Variants in KIAA1328 observed in about 807,000 individuals in gnomAD.
KIAA1328 encodes the protein KIAA1328.
In KIAA1328, 52 loss-of-function variants were observed where a neutral mutation model predicts 68.1. The ratio of observed to expected loss-of-function variants is 0.76; its 90% CI spans 0.61 to 0.96. KIAA1328 has a LOEUF of 0.96. Ranked by LOEUF, KIAA1328 falls within the 40% of genes least tolerant of loss-of-function variation. KIAA1328 has a pLI of 0.00. For synonymous variants in KIAA1328, 232 were observed against 239.4 expected, an observed-to-expected ratio of 0.97 and a Z score of 0.28; for missense variants, 641 against 677.6, an observed-to-expected ratio of 0.95 and a Z score of 0.60.
chr18:36,872,311 G>C (rs570898024), intron 4 of KIAA1328, among the ~76,000 whole-genome samples: 1 of 152,094 alleles, frequency 6.6e-6, no homozygotes, highest in East Asian at 1.9e-4. Flanking sequence ...GGCCTGATTA[G>C]AATAACAGAA....
intron 7 of KIAA1328, among the ~76,000 whole-genome samples, chr18:37,141,191 A>G (rs1160091792): frequency 2.0e-5 from 3 of 152,148 alleles, no homozygotes; most frequent in Non-Finnish European, 4.4e-5. Context: ...CCAAACCCCA[A>G]TTACAACAGA....
intron 6 of KIAA1328, among the ~76,000 whole-genome samples, chr18:36,989,460 G>A (rs1441309134): frequency 6.6e-6 from 1 of 152,132 alleles, no homozygotes; most frequent in Non-Finnish European, 1.5e-5. Flanking sequence ...AGAGAACAGA[G>A]GTGAATGCAG....
chr18:36,974,878 T>C (rs1480740158), intron 6 of KIAA1328, among the ~76,000 whole-genome samples: 1 of 152,218 alleles, frequency 6.6e-6, no homozygotes, highest in Admixed American at 6.5e-5. Flanking sequence ...CATTGTGTGA[T>C]AAGAAGTATA....
At chr18:37,146,228 C>T (rs1599422258) in intron 7 of KIAA1328, among the ~76,000 whole-genome samples, 2 of 152,182 alleles carry the variant, frequency 1.3e-5, no homozygotes, top group African/African-American at 4.8e-5. Context: ...TTTTCTTCTC[C>T]TCTACCTCCT....
chr18:36,866,653 A>G (rs1055295016), intron 4 of KIAA1328, among the ~76,000 whole-genome samples: 8 of 152,174 alleles, frequency 5.3e-5, no homozygotes, highest in Non-Finnish European at 1.0e-4. Context: ...CTTGCCTGAT[A>G]TATTGCATTT....
At chr18:37,098,796 G>A (rs1300790632) in intron 7 of KIAA1328, among the ~76,000 whole-genome samples, 1 of 152,154 alleles carries the variant, frequency 6.6e-6, no homozygotes, top group Non-Finnish European at 1.5e-5. Flanking sequence ...TCCTGGTTTT[G>A]TCTTGGGAGG....
At chr18:36,912,610 C>T (rs972841375) in intron 5 of KIAA1328, among the ~76,000 whole-genome samples, 1 of 152,112 alleles carries the variant, frequency 6.6e-6, no homozygotes, top group Non-Finnish European at 1.5e-5. Flanking sequence ...TGCCTTCTGG[C>T]CCCCAGAGAT....
intron 6 of KIAA1328, among the ~76,000 whole-genome samples, chr18:36,973,249 T>G: frequency 6.6e-6 from 1 of 151,348 alleles, no homozygotes; most frequent in East Asian, 2.0e-4. Flanking sequence ...CCGCATGTTC[T>G]CACTCATAGG....
At chr18:37,143,493 T>C (rs1268287344) in intron 7 of KIAA1328, among the ~76,000 whole-genome samples, 1 of 151,484 alleles carries the variant, frequency 6.6e-6, no homozygotes, top group Non-Finnish European at 1.5e-5. Flanking sequence ...TATTGATGCC[T>C]TTCCAAGCTT....
At chr18:36,838,727 T>C (rs1316398289) in intron 3 of KIAA1328, among the ~76,000 whole-genome samples, 2 of 152,132 alleles carry the variant, frequency 1.3e-5, no homozygotes, top group African/African-American at 4.8e-5. Context: ...TTGGTTATAG[T>C]ATACCCTGGA....
intron 6 of KIAA1328, among the ~76,000 whole-genome samples, chr18:37,020,057 C>A (rs560985353): frequency 6.6e-6 from 1 of 152,312 alleles, no homozygotes; most frequent in Non-Finnish European, 1.5e-5. Flanking sequence ...ACGAAGATCT[C>A]TGCACAGGTG....
intron 1 of KIAA1328, 148 bp downstream of exon 1, chr18:36,829,344 G>A (rs1488814026): frequency 2.2e-6 from 3 of 1,390,406 alleles, no homozygotes; most frequent in East Asian, 5.9e-5. Flanking sequence ...TCTAGGTGCT[G>A]GGCTCTCCCC....
At chr18:36,899,517 T>C (rs143913640) in intron 5 of KIAA1328, among the ~76,000 whole-genome samples, 3 of 151,982 alleles carry the variant, frequency 2.0e-5, no homozygotes, top group African/African-American at 7.2e-5. Flanking sequence ...CAATAAAAGC[T>C]TCTCAGGAGG....
At chr18:37,031,654 C>T (rs190143917) in intron 6 of KIAA1328, among the ~76,000 whole-genome samples, 94 of 152,144 alleles carry the variant, frequency 6.2e-4, no homozygotes, top group Non-Finnish European at 1.1e-3. Context: ...TCTTTGGATC[C>T]TTTACCCTTG....
intron 6 of KIAA1328, among the ~76,000 whole-genome samples, chr18:37,019,910 T>C (rs1175123642): frequency 1.3e-5 from 2 of 152,070 alleles, no homozygotes; most frequent in Admixed American, 1.3e-4. Context: ...TGCCTGGGCA[T>C]GAAGGAGAGA....
intron 3 of KIAA1328, among the ~76,000 whole-genome samples, chr18:36,837,644 C>T (rs2046723845): frequency 6.6e-6 from 1 of 152,034 alleles, no homozygotes; most frequent in South Asian, 2.1e-4. Context: ...GGTGTCATAT[C>T]TGAGAAATTG....
chr18:36,869,627 A>G (rs531352202), intron 4 of KIAA1328, among the ~76,000 whole-genome samples: 2 of 148,938 alleles, frequency 1.3e-5, no homozygotes, highest in South Asian at 2.1e-4. Flanking sequence ...GTTCATGTGC[A>G]TATTTTTCTC....
intron 5 of KIAA1328, chr18:36,955,679 C>A (rs1598814553): frequency 6.6e-6 from 1 of 152,110 alleles, no homozygotes; most frequent in Admixed American, 6.6e-5. Flanking sequence ...TACAGCACAA[C>A]AAGATGTTTC....
chr18:36,949,635 G>T (rs2051074213), intron 5 of KIAA1328, among the ~76,000 whole-genome samples: 1 of 111,196 alleles, frequency 9.0e-6, no homozygotes, highest in South Asian at 2.7e-4. Flanking sequence ...TTGCAATTCT[G>T]CAAGAAATAA....
Sources: gnomAD v4.1 joint callset for allele counts (sites outside exome capture counted in the v4.1 genomes callset) on GRCh38, gnomAD v4.1.1 for gene constraint, MANE v1.5 for transcripts, NCBI Gene and HGNC (gene_info 2026-07-23, HGNC 2026-07-21) for gene names.